Variants in ERCC2 observed in about 807,000 individuals in gnomAD.
ERCC2 encodes the protein general transcription and DNA repair factor IIH helicase subunit XPD.
In ERCC2, 90 loss-of-function variants were observed where a neutral mutation model predicts 99.4. The ratio of observed to expected loss-of-function variants is 0.91; its 90% CI spans 0.76 to 1.08. The LOEUF (loss-of-function observed/expected upper bound fraction) is 1.08, where lower values mean the gene tolerates loss of function less well. Ranked by LOEUF, ERCC2 falls within the 50% of genes least tolerant of loss-of-function variation. The pLI is 0.00. For missense variants in ERCC2, 993 were observed against 1,038.1 expected (o/e 0.96, Z 0.60); for synonymous variants, 497 against 432.4 (o/e 1.15, Z -1.85).
At chr19:45,365,790 C>G (rs1479908156) in intron 5 of ERCC2, among the ~76,000 whole-genome samples, 1 of 148,166 alleles carries the variant, frequency 6.7e-6, no homozygotes, top group East Asian at 2.0e-4. Context: ...GACTCCCTCT[C>G]AAAAAAAAAA....
At chr19:45,358,469 C>T in intron 12 of ERCC2, 1 of 291,620 alleles carries the variant, frequency 3.4e-6, no homozygotes, top group South Asian at 4.0e-5. Context: ...CGCTTCACGG[C>T]AGCCAGAGGG....
Position 45,351,802 on chromosome 19 carries a change from C to G in ERCC2, c.2191-81G>C, listed in dbSNP as rs1799790. On this transcript the variant is annotated intron_variant, in intron 22 of 22. Coordinates refer to ENST00000391945, the MANE Select transcript of ERCC2 (RefSeq NM_000400.4). Reference sequence around the variant, plus strand: ...GCTGCTGCACTTCCCCAACCACCCCCCCGAATGGCCAGTAGGGACAGGATG... The same window carrying G: ...GCTGCTGCACTTCCCCAACCACCCCGCCGAATGGCCAGTAGGGACAGGATG... 417,704 of 1,239,318 alleles carry G rather than the reference C, an allele frequency of 0.34. 75,304 individuals are homozygous for G. Among genetic ancestry groups the G allele is most frequent in the Middle Eastern group, 0.38 (1,793 of 4,682 alleles). 76.8% of individuals were successfully genotyped at this position (1,239,318 alleles called of 1,614,324 possible). A position where few individuals can be genotyped will look rare whatever the true frequency, so the allele number is the denominator to read the frequency against.
rs1433540496 is a variant in ERCC2 at position 45,350,305 on chromosome 19, G to A, written c.*1324C>T. On this transcript the variant is annotated 3_prime_UTR_variant, in exon 23 of 23. Transcript: ENST00000391945. The stretch of plus-strand genomic sequence containing the variant: ...GACTGGATGCAGTGTTGGGAACTGG[G>A]GTCCGAAAAGTTCCCAGACACTCCC... 2 of 1,549,810 alleles carry A rather than the reference G, an allele frequency of 1.3e-6. No homozygotes were observed. Among genetic ancestry groups the A allele is most frequent in the Admixed American group, 1.7e-5 (1 of 58,676 alleles).
Position 45,353,338 on chromosome 19 carries a change from G to A in ERCC2, c.1666-4C>T, listed in dbSNP as rs761821592. The stretch of plus-strand genomic sequence containing the variant: ...TCTGGATGTTCTCAAGGATCCCCTG[G>A]GGAAGGACCCAGGGAGGTCAGGGTG... On this transcript the variant is annotated splice_polypyrimidine_tract_variant and splice_region_variant and intron_variant, in intron 17 of 22. Transcript: ENST00000391945. The A allele has an allele frequency of 6.8e-6, 11 of 1,612,382 alleles. No individual in the cohort carries two copies. The highest frequency in any genetic ancestry group is 8.5e-6 in the Non-Finnish European group (10 of 1,179,100).
intron 22 of ERCC2, 126 bp downstream of exon 22, chr19:45,352,083 A>C: frequency 8.7e-7 from 1 of 1,152,366 alleles, no homozygotes; most frequent in Non-Finnish European, 1.3e-6. Context: ...GATGCACGAT[A>C]AACTTCTCTT....
At chr19:45,366,386 C>A (rs1467194295) in intron 5 of ERCC2, among the ~76,000 whole-genome samples, 1 of 152,168 alleles carries the variant, frequency 6.6e-6, no homozygotes, top group Non-Finnish European at 1.5e-5. Flanking sequence ...AGGTGATCCA[C>A]CCGCCTCGGC....
rs1454561235 is a variant in ERCC2 at position 45,352,953 on chromosome 19, G to A, written c.1831+130C>T. ...CCCGCCGGGTGCCTAGGGACAGAGG[G>A]GAGGGGAGGGCCCCTCTGTGCACCT... On this transcript the variant is annotated intron_variant, in intron 19 of 22. Transcript: ENST00000391945. The A allele has an allele frequency of 4.9e-6, 6 of 1,212,936 alleles. No individual in the cohort carries two copies. The African/African-American group carries it at 6.0e-5, about 12-fold the overall frequency. The allele number at this position is 1,212,936 out of a possible 1,614,324, so 75.1% of individuals were successfully genotyped here.
rs1322307307 is a variant in ERCC2 at position 45,351,063 on chromosome 19, G to C, written c.*566C>G. The C allele has an allele frequency of 1.2e-6, 2 of 1,613,930 alleles. No individual in the cohort carries two copies. Among genetic ancestry groups the C allele is most frequent in the Non-Finnish European group, 1.7e-6 (2 of 1,179,948 alleles). ...AAAAATAGAGGAGGCCATGTGGGTA[G>C]GTGCAGAGATGAGGCAAAGGCAGGG... On this transcript the variant is annotated 3_prime_UTR_variant, in exon 23 of 23. Transcript: ENST00000391945.
Position 45,350,768 on chromosome 19 carries a change from C to CAAAG in ERCC2, c.*857_*860dup. On this transcript the variant is annotated 3_prime_UTR_variant, in exon 23 of 23. Coordinates refer to ENST00000391945, the MANE Select transcript of ERCC2 (RefSeq NM_000400.4). Reference sequence around the variant, plus strand: ...GCCGGGTGAGTGTTGATCAGGTCGGCAAAGAGCCCTGACATCAGCAGAATC... The same window carrying CAAAG: ...GCCGGGTGAGTGTTGATCAGGTCGGCAAAGAAAGAGCCCTGACATCAGCAGAATC... 6.3e-7 allele frequency: 1 copy of CAAAG among 1,594,288 alleles called. No individual in the cohort carries two copies. The highest frequency in any genetic ancestry group is 8.6e-7 in the Non-Finnish European group (1 of 1,169,362).
chr19:45,370,553 A>G lies in ERCC2; in HGVS notation c.-13T>C. The G allele has an allele frequency of 1.3e-6, 2 of 1,557,340 alleles. No homozygotes were observed. Among genetic ancestry groups the G allele is most frequent in the Non-Finnish European group, 1.7e-6 (2 of 1,154,350 alleles). On this transcript the variant is annotated 5_prime_UTR_variant, in exon 1 of 23. Coordinates refer to ENST00000391945, the MANE Select transcript of ERCC2 (RefSeq NM_000400.4). The stretch of plus-strand genomic sequence containing the variant: ...CTTCTCACTTCATGGCGCCGGCCGG[A>G]CTGTGCAGCGGGGTCGACCCGCCTC...
intron 16 of ERCC2, 30 bp from the exon 17 acceptor site, chr19:45,354,881 C>T: frequency 6.2e-7 from 1 of 1,613,392 alleles, no homozygotes; most frequent in Non-Finnish European, 8.5e-7. Flanking sequence ...GGGCCCTCTC[C>T]TGGCCCAGGT....
chr19:45,364,175 G>T, intron 9 of ERCC2, 56 bp from the exon 10 acceptor site: 1 of 1,611,668 alleles, frequency 6.2e-7, no homozygotes, highest in Non-Finnish European at 8.5e-7. Context: ...GGACAAGTCA[G>T]ACAGGGGCCA....
intron 19 of ERCC2, 30 bp downstream of exon 19, chr19:45,353,053 A>G (rs775106626): frequency 5.6e-6 from 9 of 1,604,344 alleles, no homozygotes; most frequent in Non-Finnish European, 7.7e-6. Flanking sequence ...CTGGGAAGAC[A>G]CCTGGGGAGG....
In ERCC2 at chr19:45,370,549, C is replaced by T; in HGVS notation, c.-9G>A. On this transcript the variant is annotated 5_prime_UTR_variant, in exon 1 of 23. Transcript: ENST00000391945. Reference sequence around the variant, plus strand: ...CCCCCTTCTCACTTCATGGCGCCGGCCGGACTGTGCAGCGGGGTCGACCCG... The same window carrying T: ...CCCCCTTCTCACTTCATGGCGCCGGTCGGACTGTGCAGCGGGGTCGACCCG... 6.3e-7 allele frequency: 1 copy of T among 1,593,080 alleles called. No homozygotes were observed. The highest frequency in any genetic ancestry group is 1.7e-5 in the Admixed American group (1 of 59,056).
chr19:45,357,689 G>C lies in ERCC2; in HGVS notation c.1248C>G (p.Ile416Met), dbSNP rs1972060367. Residue 416 changes from isoleucine to methionine, a missense_variant, in exon 13 of 23, where the codon ATC (isoleucine) becomes ATG (methionine). Physicochemically the swap from Ile to Met is conservative, Grantham distance 10. Transcript: ENST00000391945. ...TTCTGTCGTCAAAGGGCTCGATGAT[G>C]ATGGTGAAGCCTGCAGAGGGCAGGC... Reference protein sequence around the residue: ...LVSTYAKGFTIIIEPFDDRTP... With the variant: ...LVSTYAKGFTMIIEPFDDRTP... 1 of 1,613,836 alleles carries C rather than the reference G, an allele frequency of 6.2e-7. No homozygotes were observed. The highest frequency in any genetic ancestry group is 1.3e-5 in the African/African-American group (1 of 75,010).
In ERCC2 at chr19:45,351,622, G is replaced by A. The variant is rs199702504; in HGVS notation, c.*7C>T. On this transcript the variant is annotated 3_prime_UTR_variant, in exon 23 of 23. Coordinates refer to ENST00000391945, the MANE Select transcript of ERCC2 (RefSeq NM_000400.4). ...CCAGGAACCGTTTATGGCCCCACCC[G>A]CCCCACTCAGAGCTGCTGAGCAATC... 1.6e-4 allele frequency: 265 copies of A among 1,613,550 alleles called. No individual in the cohort carries two copies. Among genetic ancestry groups the A allele is most frequent in the East Asian group, 3.6e-4 (16 of 44,878 alleles).
chr19:45,350,467 T>C lies in ERCC2; in HGVS notation c.*1162A>G. The stretch of plus-strand genomic sequence containing the variant: ...AGCCCCTGTCTGTCTTCCCTCCTGG[T>C]GGCTTCTCTATGTCCCCATCTCAGT... On this transcript the variant is annotated 3_prime_UTR_variant, in exon 23 of 23. Coordinates refer to ENST00000391945, the MANE Select transcript of ERCC2 (RefSeq NM_000400.4). The C allele has an allele frequency of 1.2e-6, 2 of 1,613,108 alleles. No individual in the cohort carries two copies. Among genetic ancestry groups the C allele is most frequent in the Non-Finnish European group, 1.7e-6 (2 of 1,179,308 alleles).
chr19:45,352,521 C>T lies in ERCC2; in HGVS notation c.2031G>A (p.Met677Ile), dbSNP rs764389114. Residue 677 changes from methionine (M) to isoleucine (I), a missense_variant, in exon 21 of 23, where the codon ATG (methionine) becomes ATA (isoleucine). Around this residue, in one of 3 missense-constraint regions of ERCC2, gnomAD observed 909 missense variants for 930.8 expected, o/e 0.98. Transcript: ENST00000391945. ...GAAGCTGCACCTTGTCGGCAAAGAC[C>T]ATGAGGCCGTAGTCCGTCTTGCCCC... ...AIRGKTDYGLMVFADKRFARG... is the reference protein window; with the variant it reads ...AIRGKTDYGLIVFADKRFARG... 1.5e-5 allele frequency: 25 copies of T among 1,614,072 alleles called. No homozygotes were observed. In the East Asian group the frequency reaches 5.1e-4, roughly 33 times the overall value.
At chr19:45,356,973 G>A (rs1029418016) in intron 15 of ERCC2, among the ~76,000 whole-genome samples, 5 of 152,172 alleles carry the variant, frequency 3.3e-5, no homozygotes, top group South Asian at 2.1e-4. Context: ...CTGACTAAGC[G>A]CCTACCTGTG....
Sources: allele counts gnomAD v4.1 joint callset (sites outside exome capture counted in the v4.1 genomes callset), GRCh38; gene constraint gnomAD v4.1.1; regional missense constraint gnomAD v4.1.1; transcripts MANE v1.5; gene names NCBI Gene and HGNC (gene_info 2026-07-23, HGNC 2026-07-21).